The following ZNF554 variants were observed in gnomAD, a reference collection of about 807,000 sequenced individuals.
ZNF554 encodes the protein zinc finger protein 554.
ZNF554 carries 15 observed loss-of-function variants against 21.2 expected under a neutral mutation model. That is an observed-to-expected ratio of 0.71 (90% CI 0.47 to 1.09). ZNF554 has a LOEUF of 1.09. Ranked by LOEUF, ZNF554 falls within the 50% of genes least tolerant of loss-of-function variation. The pLI is 0.00. For synonymous variants in ZNF554, 258 were observed against 251.4 expected (o/e 1.03, Z -0.25); for missense variants, 691 against 662.7 (o/e 1.04, Z -0.47).
intron 2 of ZNF554, among the ~76,000 whole-genome samples, chr19:2,825,662 G>A (rs1029323450): frequency 2.6e-5 from 4 of 152,070 alleles, no homozygotes; most frequent in Admixed American, 2.6e-4. Flanking sequence ...TGAACTCCTG[G>A]GCTCAAACAG....
Position 2,834,462 on chromosome 19 carries a change from A to G in ZNF554, c.1227A>G (p.Lys409=), listed in dbSNP as rs975737434. 3 of 1,613,900 alleles carry G rather than the reference A, an allele frequency of 1.9e-6. No individual in the cohort carries two copies. Among genetic ancestry groups the G allele is most frequent in the Non-Finnish European group, 2.5e-6 (3 of 1,180,012 alleles). ...QRIHTGEKPY[K]CEDCGKSFCQ... ...TTCACACCGGGGAAAAGCCCTATAA[A>G]TGTGAAGACTGTGGGAAATCCTTCT... The change falls in exon 5 of 5, where the codon AAA becomes AAG. Residue 409 remains lysine (K), a synonymous_variant. Coordinates refer to ENST00000317243, the MANE Select transcript of ZNF554 (RefSeq NM_001102651.2).
At chr19:2,824,459 G>T (rs1350559945) in intron 2 of ZNF554, among the ~76,000 whole-genome samples, 1 of 152,242 alleles carries the variant, frequency 6.6e-6, no homozygotes, top group Admixed American at 6.5e-5. Context: ...ATCAGCCACT[G>T]CCATCAACAG....
At chr19:2,826,422 T>G (rs1412307580) in intron 2 of ZNF554, 1 of 151,518 alleles carries the variant, frequency 6.6e-6, no homozygotes, top group Non-Finnish European at 1.5e-5. Flanking sequence ...CAGGCTGGTC[T>G]TGAACTCCTG....
At chr19:2,826,356 A>ATCATGC (rs2087333757) in intron 2 of ZNF554, 1 of 151,474 alleles carries the variant, frequency 6.6e-6, no homozygotes, top group African/African-American at 2.4e-5. Context: ...GGTACGTGCC[A>ATCATGC]CCACGATTGG....
In ZNF554 at chr19:2,834,275, C is replaced by G. The variant is rs374224608; in HGVS notation, c.1040C>G (p.Thr347Arg). The stretch of plus-strand genomic sequence containing the variant: ...TTGAGCGAACATCAAAGAATTCACA[C>G]GGGGGAGAAACCCTACGAGTGTCAG... The part of the protein sequence containing the change: ...HSLSEHQRIH[T>R]GEKPYECQEC... The change falls in exon 5 of 5, where the codon ACG (threonine) becomes AGG (arginine). Residue 347 changes from threonine (T) to arginine (R), a missense_variant. Thr to Arg is a moderately conservative substitution (Grantham distance 71, BLOSUM62 -1). Coordinates refer to ENST00000317243, the MANE Select transcript of ZNF554 (RefSeq NM_001102651.2). The G allele has an allele frequency of 1.9e-6, 3 of 1,613,926 alleles. No individual in the cohort carries two copies. The African/African-American group carries it at 4.0e-5, about 22-fold the overall frequency.
chr19:2,829,407 G>T lies in ZNF554; in HGVS notation c.253+1664G>T, dbSNP rs149170400. 3.1e-3 allele frequency among the ~76,000 whole-genome samples: 463 copies of T among 151,252 alleles called. 4 individuals are homozygous for T. The highest frequency in any genetic ancestry group is 0.011 in the African/African-American group (448 of 41,146). ...CTCACGCCTGTAATCCCAGCACTCT[G>T]GGAGGCCAAGGCGGGGTAGATCACC... On this transcript the variant is annotated intron_variant, in intron 3 of 4. Coordinates refer to ENST00000317243, the MANE Select transcript of ZNF554 (RefSeq NM_001102651.2).
chr19:2,827,372 G>A (rs1247971357), intron 2 of ZNF554, among the ~76,000 whole-genome samples: 1 of 152,186 alleles, frequency 6.6e-6, no homozygotes, highest in Non-Finnish European at 1.5e-5. Flanking sequence ...TAAGAAATGG[G>A]CAAAATGTTT....
intron 1 of ZNF554, among the ~76,000 whole-genome samples, chr19:2,820,909 C>T (rs190102773): frequency 2.0e-5 from 3 of 151,580 alleles, no homozygotes; most frequent in East Asian, 3.9e-4. Flanking sequence ...GGTGATCCAC[C>T]CGCCTCAGCC....
At chr19:2,820,154 C>T (rs2087243229) in intron 1 of ZNF554, 30 bp downstream of exon 1, 1 of 1,218,552 alleles carries the variant, frequency 8.2e-7, no homozygotes, top group Non-Finnish European at 1.0e-6. Context: ...GCGCCGCGAC[C>T]TCCGTGCCGG....
chr19:2,832,189 T>C (rs1243407613), intron 3 of ZNF554, 114 bp from the exon 4 acceptor site: 8 of 1,048,156 alleles, frequency 7.6e-6, no homozygotes, highest in Non-Finnish European at 1.1e-5. Flanking sequence ...GCCTCCCAAA[T>C]TGCTGGGATT....
rs116455311 is a variant in ZNF554, at chr19:2,820,348, T to C, written c.53+224T>C. 9.2e-3 allele frequency among the ~76,000 whole-genome samples: 1,404 copies of C among 152,304 alleles called. 30 individuals are homozygous for C. The highest frequency in any genetic ancestry group is 0.032 in the African/African-American group (1,326 of 41,566). ...CCCTGGGTGAGAGACGCATAAGCTT[T>C]CCGAGGCCCAGCCTGCAAGGAGAGG... On this transcript the variant is annotated intron_variant, in intron 1 of 4. Transcript: ENST00000317243.
chr19:2,832,447 A>C lies in ZNF554; in HGVS notation c.398A>C (p.Glu133Ala). The C allele has an allele frequency of 6.2e-7, 1 of 1,613,974 alleles. No individual in the cohort carries two copies. The change falls in exon 4 of 5, where the codon GAA (glutamate) becomes GCA (alanine). Residue 133 changes from glutamate (E) to alanine (A), a missense_variant. By Grantham distance (107) the Glu-to-Ala change is moderately radical. Transcript: ENST00000317243. ...GCTTCTTCCCACTTGGAGCAAAGAGAAGCCCTGTGGATAGAGGAAAAAGGA... is the reference window on the plus strand; with the variant it reads ...GCTTCTTCCCACTTGGAGCAAAGAGCAGCCCTGTGGATAGAGGAAAAAGGA... ...PVASSHLEQR[E>A]ALWIEEKGTP...
Position 2,821,122 on chromosome 19 carries a change from C to T in ZNF554, c.53+998C>T, listed in dbSNP as rs995758394. 4.6e-4 allele frequency among the ~76,000 whole-genome samples: 70 copies of T among 151,182 alleles called. 1 individual carries two copies. The highest frequency in any genetic ancestry group is 1.7e-3 in the African/African-American group (69 of 40,940). On this transcript the variant is annotated intron_variant, in intron 1 of 4. Coordinates refer to ENST00000317243, the MANE Select transcript of ZNF554 (RefSeq NM_001102651.2). The surrounding 1 kb of genome is among the most constrained non-coding windows in gnomAD (Gnocchi z 8.2). ...TTTTTTTTTTCTTGAGACAGTCTCG[C>T]CCTATTGCCCAGGCTGGAGTGCAGT...
chr19:2,832,362 C>A lies in ZNF554; in HGVS notation c.313C>A (p.Gln105Lys), dbSNP rs759032098. 6.2e-7 allele frequency: 1 copy of A among 1,613,850 alleles called. No individual in the cohort carries two copies. The highest frequency in any genetic ancestry group is 1.1e-5 in the South Asian group (1 of 91,008). The change falls in exon 4 of 5, where the codon CAA becomes AAA. Residue 105 changes from glutamine (Q) to lysine (K), a missense_variant. Coordinates refer to ENST00000317243, the MANE Select transcript of ZNF554 (RefSeq NM_001102651.2). ...TAAAGAGGGTCCACTTTCCCCAGCA[C>A]AAACCTCACAAGTCACTAGTCTTTC... Reference protein sequence around the residue: ...GIKEGPLSPAQTSQVTSLSSW... With the variant: ...GIKEGPLSPAKTSQVTSLSSW...
At chr19:2,820,268 G>A (rs1396085332) in intron 1 of ZNF554, 144 bp downstream of exon 1, 8 of 775,006 alleles carry the variant, frequency 1.0e-5, no homozygotes, top group East Asian at 3.9e-5. Flanking sequence ...CCGGCAGCTC[G>A]CCCAGGGCCC....
At chr19:2,831,590 G>T (rs2191441) in intron 3 of ZNF554, 1 of 130,110 alleles carries the variant, frequency 7.7e-6, no homozygotes. Flanking sequence ...CACTGCACCC[G>T]CCCTTTTTTT....
chr19:2,836,107 T>G lies in ZNF554; in HGVS notation c.*1255T>G, dbSNP rs911861323. Among the ~76,000 whole-genome samples the G allele has an allele frequency of 1.3e-5, 2 of 151,910 alleles. No individual in the cohort carries two copies. The highest frequency in any genetic ancestry group is 4.8e-5 in the African/African-American group (2 of 41,364). On this transcript the variant is annotated 3_prime_UTR_variant, in exon 5 of 5. Coordinates refer to ENST00000317243, the MANE Select transcript of ZNF554 (RefSeq NM_001102651.2). ...CCACCTTGGCCTCCCAAAGTGCTGG[T>G]ATTACAGGTGTGAGCCACCGTGCTG...
chr19:2,833,441 C>G (rs1295052783), intron 4 of ZNF554, among the ~76,000 whole-genome samples: 2 of 152,168 alleles, frequency 1.3e-5, no homozygotes, highest in African/African-American at 4.8e-5. Context: ...TAATTTCTTT[C>G]TGCATTGATA....
intron 3 of ZNF554, among the ~76,000 whole-genome samples, chr19:2,830,090 A>G (rs2087393994): frequency 6.6e-6 from 1 of 152,044 alleles, no homozygotes; most frequent in African/African-American, 2.4e-5. Context: ...ATGCCCGGCT[A>G]ATTTTTTAAT....
Sources: gnomAD v4.1 joint callset for allele counts (sites outside exome capture counted in the v4.1 genomes callset) on GRCh38, gnomAD v4.1.1 for gene constraint, Gnocchi (gnomAD v3.1) non-coding constraint, MANE v1.5 for transcripts, NCBI Gene and HGNC (gene_info 2026-07-23, HGNC 2026-07-21) for gene names.